RYR2: variants seen among roughly 807,000 people sequenced by gnomAD.
RYR2 encodes cardiac muscle ryanodine receptor-calcium release channel.
RYR2 carries 227 observed loss-of-function variants against 601.1 expected under a neutral mutation model. The ratio of observed to expected loss-of-function variants is 0.38; its 90% CI spans 0.34 to 0.42. The LOEUF (loss-of-function observed/expected upper bound fraction) is 0.42. RYR2 is among the 10% of genes least tolerant of loss of function. The probability of loss-of-function intolerance (pLI) is 1.00; values close to 1 mark genes in which losing one functional copy is unlikely to be tolerated. For synonymous variants in RYR2, 2,223 were observed against 2,175.1 expected, an observed-to-expected ratio of 1.02 and a Z score of -0.61; for missense variants, 4,646 against 6,156.5, an observed-to-expected ratio of 0.75 and a Z score of 8.21.
At chr1:237,299,405 T>C (rs1572519582) in intron 2 of RYR2, among the ~76,000 whole-genome samples, 3 of 152,200 alleles carry the variant, frequency 2.0e-5, no homozygotes, top group South Asian at 2.1e-4. Flanking sequence ...ATTCAGTGGG[T>C]TAATAAGAGA....
chr1:237,427,552 G>A (rs1706298457), intron 12 of RYR2, among the ~76,000 whole-genome samples: 2 of 151,978 alleles, frequency 1.3e-5, no homozygotes. Flanking sequence ...GGAGACCAAG[G>A]CAGGTGGATC....
intron 2 of RYR2, among the ~76,000 whole-genome samples, chr1:237,319,287 G>GCCT (rs1296732865): frequency 1.3e-5 from 2 of 152,016 alleles, no homozygotes; most frequent in Non-Finnish European, 2.9e-5. Flanking sequence ...CCTGCTAAAT[G>GCCT]CCTTTGTCAA....
intron 13 of RYR2, among the ~76,000 whole-genome samples, chr1:237,444,594 T>G (rs957118716): frequency 1.3e-5 from 2 of 152,136 alleles, no homozygotes; most frequent in Non-Finnish European, 2.9e-5. Flanking sequence ...ATCTGTGCTG[T>G]CAAAAGTCTG....
intron 1 of RYR2, among the ~76,000 whole-genome samples, chr1:237,266,185 T>C (rs1321332384): frequency 1.3e-5 from 2 of 152,214 alleles, no homozygotes; most frequent in African/African-American, 2.4e-5. Context: ...AGCGGCTGAA[T>C]AGCAAAGACT....
Position 237,832,629 on chromosome 1 carries a change from T to C in RYR2, c.14886T>C (p.Tyr4962=). Reference sequence around the variant, plus strand: ...CAGGGGATTGCTTCCGGAAACAGTATGAAGACCAGCTAAATTAAACTCAGA... The same window carrying C: ...CAGGGGATTGCTTCCGGAAACAGTACGAAGACCAGCTAAATTAAACTCAGA... The part of the protein sequence containing the change: ...FPAGDCFRKQ[Y]EDQLN The change falls in exon 105 of 105, where the codon TAT becomes TAC. Residue 4962 remains tyrosine, a synonymous_variant. Transcript: ENST00000366574. 6.2e-7 allele frequency: 1 copy of C among 1,610,428 alleles called. No individual in the cohort carries two copies. Among genetic ancestry groups the C allele is most frequent in the Non-Finnish European group, 8.5e-7 (1 of 1,177,212 alleles).
intron 29 of RYR2, among the ~76,000 whole-genome samples, chr1:237,578,876 G>A (rs1240774345): frequency 6.6e-6 from 1 of 152,182 alleles, no homozygotes; most frequent in Non-Finnish European, 1.5e-5. Context: ...GAGTCCTGCA[G>A]TGAATGGCTT....
intron 8 of RYR2, among the ~76,000 whole-genome samples, chr1:237,382,948 G>A (rs1701660919): frequency 6.7e-6 from 1 of 149,378 alleles, no homozygotes; most frequent in Non-Finnish European, 1.5e-5. Context: ...ACTGATGCCT[G>A]AGGAGTAATG....
intron 101 of RYR2, among the ~76,000 whole-genome samples, chr1:237,825,302 G>T (rs1021390102): frequency 2.6e-5 from 4 of 152,046 alleles, no homozygotes; most frequent in African/African-American, 9.7e-5. Flanking sequence ...GTATGGTATT[G>T]GTATGAAAAC....
chr1:237,305,808 T>A (rs1251676784), intron 2 of RYR2, among the ~76,000 whole-genome samples: 1 of 152,224 alleles, frequency 6.6e-6, no homozygotes, highest in Non-Finnish European at 1.5e-5. Flanking sequence ...GAGAATGTTG[T>A]GGAGAGACAC....
At chr1:237,095,763 T>C (rs549342989) in intron 1 of RYR2, among the ~76,000 whole-genome samples, 149 of 152,296 alleles carry the variant, frequency 9.8e-4, no homozygotes, top group Non-Finnish European at 1.9e-3. Context: ...AGGTGGCATG[T>C]AGTGGGCATG....
intron 63 of RYR2, among the ~76,000 whole-genome samples, chr1:237,690,562 T>G (rs1386102090): frequency 6.6e-6 from 1 of 152,176 alleles, no homozygotes; most frequent in Non-Finnish European, 1.5e-5. Flanking sequence ...GACTTAGCCC[T>G]TTAAAATACA....
At chr1:237,053,670 T>C (rs575146061) in intron 1 of RYR2, among the ~76,000 whole-genome samples, 4 of 152,372 alleles carry the variant, frequency 2.6e-5, no homozygotes, top group African/African-American at 9.6e-5. Flanking sequence ...GCTGGACTTA[T>C]ATCCACGCTT....
At chr1:237,087,488 A>C (rs562466067) in intron 1 of RYR2, among the ~76,000 whole-genome samples, 2 of 152,344 alleles carry the variant, frequency 1.3e-5, no homozygotes, top group South Asian at 2.1e-4. Context: ...AAATGTGAGA[A>C]GTATAATGAG....
intron 14 of RYR2, among the ~76,000 whole-genome samples, chr1:237,450,026 A>G (rs746316818): frequency 1.3e-4 from 20 of 152,072 alleles, no homozygotes; most frequent in Admixed American, 3.3e-4. Context: ...ATTCCCCACT[A>G]TTGAGACAAG....
chr1:237,342,507 T>C (rs1471910234), intron 3 of RYR2, among the ~76,000 whole-genome samples: 1 of 151,992 alleles, frequency 6.6e-6, no homozygotes, highest in African/African-American at 2.4e-5. Context: ...AGATACACTT[T>C]TTTGCAAGTA....
At chr1:237,712,106 G>A (rs1273130131) in intron 71 of RYR2, among the ~76,000 whole-genome samples, 1 of 152,068 alleles carries the variant, frequency 6.6e-6, no homozygotes, top group Non-Finnish European at 1.5e-5. Context: ...GGCATGCCAG[G>A]CAGGGCCCCC....
rs554047642 is a variant in RYR2 at position 237,641,871 on chromosome 1, C to G, written c.7221+869C>G. On this transcript the variant is annotated intron_variant, in intron 47 of 104. Coordinates refer to ENST00000366574, the MANE Select transcript of RYR2 (RefSeq NM_001035.3). Reference sequence around the variant, plus strand: ...TTAGTATTTTCTGAAACTTTTTGACCCAAATGAAATTAAAGTTTCGTGGAA... The same window carrying G: ...TTAGTATTTTCTGAAACTTTTTGACGCAAATGAAATTAAAGTTTCGTGGAA... Among the ~76,000 whole-genome samples the G allele has an allele frequency of 9.9e-5, 15 of 152,256 alleles. No individual in the cohort carries two copies. In the South Asian group the frequency reaches 3.1e-3, roughly 32 times the overall value.
At chr1:237,240,041 G>T (rs1169492069) in intron 1 of RYR2, among the ~76,000 whole-genome samples, 1 of 152,304 alleles carries the variant, frequency 6.6e-6, no homozygotes. Context: ...TGCCATTAGT[G>T]CTTAAGCACA....
At chr1:237,298,848 A>G (rs1439847612) in intron 2 of RYR2, among the ~76,000 whole-genome samples, 1 of 152,078 alleles carries the variant, frequency 6.6e-6, no homozygotes, top group African/African-American at 2.4e-5. Flanking sequence ...AAAAATTAGA[A>G]AATTAGCCGA....
Sources: allele counts gnomAD v4.1 joint callset (sites outside exome capture counted in the v4.1 genomes callset), GRCh38; gene constraint gnomAD v4.1.1; transcripts MANE v1.5; gene names NCBI Gene and HGNC (gene_info 2026-07-23, HGNC 2026-07-21).